The following EPB41L4B variants were observed in gnomAD, a reference collection of about 807,000 sequenced individuals.
EPB41L4B encodes the protein erythrocyte membrane protein band 4.1 like 4B, also known as band 4.1-like protein 4B.
EPB41L4B carries 30 observed loss-of-function variants against 112.5 expected under a neutral mutation model. That is an observed-to-expected ratio of 0.27 (90% CI 0.20 to 0.36). The LOEUF is 0.36. Among genes scored for constraint, EPB41L4B ranks in the 10% least tolerant of loss-of-function variants. The probability of loss-of-function intolerance (pLI) is 1.00; values close to 1 mark genes in which losing one functional copy is unlikely to be tolerated. For missense variants in EPB41L4B, 1,024 were observed against 1,133.3 expected (o/e 0.90, Z 1.38); for synonymous variants, 408 against 439.7 (o/e 0.93, Z 0.90).
At chr9:109,195,171 G>C (rs1331003063) in intron 20 of EPB41L4B, among the ~76,000 whole-genome samples, 1 of 152,170 alleles carries the variant, frequency 6.6e-6, no homozygotes, top group Non-Finnish European at 1.5e-5. Flanking sequence ...TTGTCCCTAA[G>C]GATCTGCCAT....
At chr9:109,178,902 T>TAAAACAA (rs1831945738) in intron 24 of EPB41L4B, among the ~76,000 whole-genome samples, 1 of 105,140 alleles carries the variant, frequency 9.5e-6, no homozygotes, top group Admixed American at 1.1e-4. Context: ...ATACTTCAAG[T>TAAAACAA]AAAAAAAAAA....
In EPB41L4B at chr9:109,281,716, A is replaced by AT. The variant is rs1401439356; in HGVS notation, c.307-1796dup. ...AATAAATAAATAAATAAATAAATAA[A>AT]TAAATAAATTAATTAATTAATTTTA... On this transcript the variant is annotated intron_variant, in intron 1 of 25. Transcript: ENST00000374566. Among the ~76,000 whole-genome samples the AT allele has an allele frequency of 7.7e-4, 98 of 127,334 alleles. 1 individual carries two copies. The highest frequency in any genetic ancestry group is 3.2e-3 in the African/African-American group (91 of 28,534). 83.5% of individuals were successfully genotyped at this position (127,334 alleles called of 152,430 possible).
At chr9:109,290,446 G>A (rs1243531518) in intron 1 of EPB41L4B, among the ~76,000 whole-genome samples, 1 of 152,086 alleles carries the variant, frequency 6.6e-6, no homozygotes, top group Non-Finnish European at 1.5e-5. Context: ...GGTTAGTCTG[G>A]TTTGGGGACT....
rs1222352858 is a variant in EPB41L4B at position 109,274,915 on chromosome 9, A to G, written c.411+4902T>C. ...GCTGGGCTCAGGGCGAGAACTGGGTAAACAGCACTTATCGTGATCAGGCAG... is the reference window on the plus strand; with the variant it reads ...GCTGGGCTCAGGGCGAGAACTGGGTGAACAGCACTTATCGTGATCAGGCAG... On this transcript the variant is annotated intron_variant, in intron 2 of 25. Transcript: ENST00000374566. Among the ~76,000 whole-genome samples, 18 of 152,366 alleles carry G rather than the reference A, an allele frequency of 1.2e-4. No homozygotes were observed. In the East Asian group the frequency reaches 3.3e-3, roughly 28 times the overall value.
At chr9:109,281,919 T>C (rs1194085809) in intron 1 of EPB41L4B, among the ~76,000 whole-genome samples, 1 of 152,116 alleles carries the variant, frequency 6.6e-6, no homozygotes, top group Non-Finnish European at 1.5e-5. Flanking sequence ...AAAACATATG[T>C]TCACGTAAAA....
chr9:109,260,491 T>C (rs563143822), intron 6 of EPB41L4B, among the ~76,000 whole-genome samples: 26 of 149,016 alleles, frequency 1.7e-4, no homozygotes, highest in African/African-American at 5.7e-4. Context: ...CTTGGCTCAC[T>C]GCAACCTCCG....
At chr9:109,218,628 C>A (rs548615875) in intron 15 of EPB41L4B, among the ~76,000 whole-genome samples, 2 of 152,044 alleles carry the variant, frequency 1.3e-5, no homozygotes, top group Admixed American at 6.6e-5. Context: ...CACCTCCCCC[C>A]GCCCCCAGTC....
Position 109,174,611 on chromosome 9 carries a change from G to A in EPB41L4B, c.2646C>T (p.Leu882=). 6.2e-7 allele frequency: 1 copy of A among 1,614,056 alleles called. No individual in the cohort carries two copies. The highest frequency in any genetic ancestry group is 8.5e-7 in the Non-Finnish European group (1 of 1,179,954). ...PVSLAASAET[L]RQELEREKMM... ...TCTTCTCTCTCTCCAGTTCCTGCCG[G>A]AGTGTCTCTGCACTAAAAAAAAGTA... The change falls in exon 26 of 26, where the codon CTC becomes CTT. Residue 882 remains leucine, a synonymous_variant. Coordinates refer to ENST00000374566, the MANE Select transcript of EPB41L4B (RefSeq NM_019114.5).
chr9:109,211,748 C>A (rs1186123025), intron 17 of EPB41L4B, among the ~76,000 whole-genome samples: 6 of 137,848 alleles, frequency 4.4e-5, no homozygotes, highest in Non-Finnish European at 9.1e-5. Flanking sequence ...GGGAGTCTCG[C>A]TCTGTCACCT....
rs1403324714 is a variant in EPB41L4B at position 109,268,440 on chromosome 9, G to A, written c.412-7C>T. On this transcript the variant is annotated splice_region_variant and splice_polypyrimidine_tract_variant and intron_variant, in intron 2 of 25. Coordinates refer to ENST00000374566, the MANE Select transcript of EPB41L4B (RefSeq NM_019114.5). ...TGGCATGATCCAGCCAGTGCTGAAA[G>A]AAAGAAAAAAAGTTTCTTTAGGAAT... 2 of 1,603,732 alleles carry A rather than the reference G, an allele frequency of 1.2e-6. No homozygotes were observed. Among genetic ancestry groups the A allele is most frequent in the Admixed American group, 1.7e-5 (1 of 57,250 alleles).
intron 13 of EPB41L4B, among the ~76,000 whole-genome samples, chr9:109,250,482 C>T (rs746201111): frequency 6.6e-6 from 1 of 152,174 alleles, no homozygotes; most frequent in East Asian, 1.9e-4. Context: ...CCTGGCCTAC[C>T]TACCAGCGGC....
intron 22 of EPB41L4B, among the ~76,000 whole-genome samples, chr9:109,187,758 G>A (rs1015003085): frequency 6.6e-6 from 1 of 152,200 alleles, no homozygotes; most frequent in African/African-American, 2.4e-5. Flanking sequence ...TGGCCACACT[G>A]CCTAGAAGCC....
At position 109,320,829 on chromosome 9, in the gene EPB41L4B, C is replaced by A. The variant is rs1435869210; in HGVS notation, c.-383G>T. The A allele has an allele frequency of 6.9e-6, 1 of 145,552 alleles. No individual in the cohort carries two copies. Among genetic ancestry groups the A allele is most frequent in the Non-Finnish European group, 1.5e-5 (1 of 65,526 alleles). 9.0% of individuals were successfully genotyped at this position (145,552 alleles called of 1,614,324 possible). A position where few individuals can be genotyped will look rare whatever the true frequency, so the allele number is the denominator to read the frequency against. Reference sequence around the variant, plus strand: ...CGCGGGAGGCGGGCTGCGGGCTGCTCCCGCGCCGCGCGCCGGCCGAGGGCC... The same window carrying A: ...CGCGGGAGGCGGGCTGCGGGCTGCTACCGCGCCGCGCGCCGGCCGAGGGCC... On this transcript the variant is annotated 5_prime_UTR_variant, in exon 1 of 26. Transcript: ENST00000374566.
chr9:109,243,584 T>C (rs1363091413), intron 15 of EPB41L4B, 34 bp downstream of exon 15: 1 of 1,607,072 alleles, frequency 6.2e-7, no homozygotes, highest in African/African-American at 1.3e-5. Flanking sequence ...AGGAAAGCTT[T>C]CGAAGGTGCA....
At chr9:109,268,457 T>G in intron 2 of EPB41L4B, 24 bp from the exon 3 acceptor site, 1 of 1,602,512 alleles carries the variant, frequency 6.2e-7, no homozygotes, top group Non-Finnish European at 8.5e-7. Flanking sequence ...AAAAAGTTTC[T>G]TTAGGAATAG....
chr9:109,274,309 TTAC>T (rs1251302121), intron 2 of EPB41L4B, among the ~76,000 whole-genome samples: 1 of 152,092 alleles, frequency 6.6e-6, no homozygotes, highest in African/African-American at 2.4e-5. Flanking sequence ...GGTGGGGCTG[TTAC>T]TACCACTGCC....
At chr9:109,205,284 A>G (rs6477696) in intron 18 of EPB41L4B, among the ~76,000 whole-genome samples, 24,697 of 152,050 alleles carry the variant, frequency 0.16, 2,320 homozygotes, top group African/African-American at 0.24. Context: ...ATGCCCTTCC[A>G]CTGTGTCCTT....
At chr9:109,253,380 C>T (rs1030184887) in intron 12 of EPB41L4B, 61 bp downstream of exon 12, 15 of 1,213,876 alleles carry the variant, frequency 1.2e-5, no homozygotes, top group South Asian at 1.1e-4. Flanking sequence ...CCAAGCTCCT[C>T]GAGGGCTTAA....
At chr9:109,247,155 C>T (rs923067433) in intron 14 of EPB41L4B, among the ~76,000 whole-genome samples, 2 of 151,026 alleles carry the variant, frequency 1.3e-5, no homozygotes, top group African/African-American at 2.4e-5. Context: ...TGTACACCAC[C>T]GTGCCAGCTC....
Sources: gnomAD v4.1 joint callset for allele counts (sites outside exome capture counted in the v4.1 genomes callset) on GRCh38, gnomAD v4.1.1 for gene constraint, MANE v1.5 for transcripts, NCBI Gene and HGNC (gene_info 2026-07-23, HGNC 2026-07-21) for gene names.